The following LAMA5 variants were observed in gnomAD, a reference collection of about 807,000 sequenced individuals.
The protein encoded by LAMA5 is laminin subunit alpha 5.
Under a neutral mutation model 433.4 loss-of-function variants are expected in LAMA5, and 260 were observed. The ratio of observed to expected loss-of-function variants is 0.60; its 90% CI spans 0.54 to 0.66. The LOEUF is 0.66. Among genes scored for constraint, LAMA5 ranks in the 30% least tolerant of loss-of-function variants. The pLI, the probability that LAMA5 is intolerant of heterozygous loss-of-function variation, is 0.00. For missense variants in LAMA5, 5,378 were observed against 5,258.5 expected, an observed-to-expected ratio of 1.02 and a Z score of -0.70; for synonymous variants, 2,620 against 2,226.6, an observed-to-expected ratio of 1.18 and a Z score of -4.97.
chr20:62,323,907 C>T lies in LAMA5; in HGVS notation c.5769-51G>A, dbSNP rs112216541. The T allele has an allele frequency of 1.7e-3, 2,615 of 1,529,736 alleles. 34 individuals are homozygous for T. The African/African-American group carries it at 0.032, about 19-fold the overall frequency. The allele number at this position is 1,529,736 out of a possible 1,614,324, so 94.8% of individuals were successfully genotyped here. On this transcript the variant is annotated intron_variant, in intron 43 of 79. Transcript: ENST00000252999. ...CTAGGCCCCTGGCAGTGCCCGGGCC[C>T]GGGCGAGCACACTGTGCTCCGGCTG...
chr20:62,357,399 G>A (rs1280831113), intron 2 of LAMA5, among the ~76,000 whole-genome samples: 3 of 152,180 alleles, frequency 2.0e-5, no homozygotes, highest in African/African-American at 7.2e-5. Flanking sequence ...CAGCCCCCTC[G>A]ATGCCCAGAG....
chr20:62,318,880 C>T lies in LAMA5; in HGVS notation c.7005G>A (p.Gln2335=), dbSNP rs1456558509. Residue 2335 remains glutamine (Q), a synonymous_variant, in exon 52 of 80, where the codon CAG becomes CAA. Coordinates refer to ENST00000252999, the MANE Select transcript of LAMA5 (RefSeq NM_005560.6). The part of the protein sequence containing the change: ...EMRARDLGAP[Q]AAAEAELAAA... ...CAGCCAACTCAGCCTCAGCTGCTGCCTGCGGGGCCCCCAGGTCCCGGGCCC... is the reference window on the plus strand; with the variant it reads ...CAGCCAACTCAGCCTCAGCTGCTGCTTGCGGGGCCCCCAGGTCCCGGGCCC... 6.2e-7 allele frequency: 1 copy of T among 1,609,112 alleles called. No homozygotes were observed. Among genetic ancestry groups the T allele is most frequent in the African/African-American group, 1.3e-5 (1 of 74,876 alleles).
intron 48 of LAMA5, 73 bp downstream of exon 48, chr20:62,321,945 TG>T: frequency 6.9e-7 from 1 of 1,456,708 alleles, no homozygotes; most frequent in African/African-American, 1.4e-5. Flanking sequence ...ACGTTAACAC[TG>T]GGGTCACCAG....
intron 40 of LAMA5, chr20:62,326,374 A>G (rs1979296761): frequency 3.2e-6 from 1 of 308,540 alleles, no homozygotes; most frequent in Non-Finnish European, 6.0e-6. Flanking sequence ...TCAAAGAGAA[A>G]TGGGCAAAAG....
chr20:62,332,778 C>G, intron 26 of LAMA5, 61 bp from the exon 27 acceptor site: 1 of 1,574,280 alleles, frequency 6.4e-7, no homozygotes, highest in Non-Finnish European at 8.6e-7. Context: ...CCTCCCTCCC[C>G]TCCCACTCCA....
rs772736093 is a variant in LAMA5, at chr20:62,346,145, G to C, written c.1353C>G (p.Pro451=). ...CGTCACACCGCTCCCCAGAGAAGTT[G>C]GGCCGGCAGTAGCATCGACCCGTCA... ...EDLTGRCYCR[P]NFSGERCDVC... Residue 451 remains proline (P), a synonymous_variant, in exon 10 of 80, where the codon CCC becomes CCG. Coordinates refer to ENST00000252999, the MANE Select transcript of LAMA5 (RefSeq NM_005560.6). 2 of 1,613,104 alleles carry C rather than the reference G, an allele frequency of 1.2e-6. No individual in the cohort carries two copies. Among genetic ancestry groups the C allele is most frequent in the South Asian group, 2.2e-5 (2 of 91,082 alleles).
rs368756626 is a variant in LAMA5, at chr20:62,315,008, C to A, written c.8047+20G>T. 1.3e-6 allele frequency: 2 copies of A among 1,578,532 alleles called. No homozygotes were observed. The stretch of plus-strand genomic sequence containing the variant: ...CCGTGCCCGCCTCCATCAGGGGCAC[C>A]GCGAGGGCCATGGGCGCACCTGAGT... On this transcript the variant is annotated intron_variant, in intron 59 of 79. Transcript: ENST00000252999.
rs150245673 is a variant in LAMA5 at position 62,324,528 on chromosome 20, G to A, written c.5556C>T (p.Asp1852=). 542 of 1,612,128 alleles carry A rather than the reference G, an allele frequency of 3.4e-4. No homozygotes were observed. The highest frequency in any genetic ancestry group is 4.1e-4 in the Non-Finnish European group (488 of 1,179,646). ...CQECAPGFYR[D]VKGLFLGRCV... is the part of the protein sequence containing the mutation. ...ATCGGCCCAGGAAGAGACCTTTGACGTCCCGATAGAAGCCGGGGGCACATT... is the reference window on the plus strand; with the variant it reads ...ATCGGCCCAGGAAGAGACCTTTGACATCCCGATAGAAGCCGGGGGCACATT... The change falls in exon 42 of 80, where the codon GAC becomes GAT. Residue 1852 remains aspartate, a synonymous_variant. Transcript: ENST00000252999. This position sits in a 1 kb window ranked among gnomAD's most constrained non-coding sequence, Gnocchi z 4.4.
At position 62,313,145 on chromosome 20, in the gene LAMA5, G is replaced by A. The variant is rs117076754; in HGVS notation, c.8898C>T (p.Phe2966=). 5,530 of 1,605,824 alleles carry A rather than the reference G, an allele frequency of 3.4e-3. 12 individuals carry two copies. Among genetic ancestry groups the A allele is most frequent in the Non-Finnish European group, 3.7e-3 (4,402 of 1,178,686 alleles). ...AGGACACGAGCCGCAGCTCCTGCTC[G>A]AAGCGCTTGGTGGTGCTGATCTGAC... ...FDSQISTTKR[F]EQELRLVSYS... is the part of the protein sequence containing the mutation. The change falls in exon 65 of 80, where the codon TTC becomes TTT. Residue 2966 remains phenylalanine (F), a synonymous_variant. Transcript: ENST00000252999.
chr20:62,355,360 C>T (rs1217130384), intron 2 of LAMA5: 1 of 152,402 alleles, frequency 6.6e-6, no homozygotes, highest in Non-Finnish European at 1.5e-5. Flanking sequence ...CAGAGCTGCA[C>T]AAGACCTACA....
chr20:62,312,383 C>T lies in LAMA5; in HGVS notation c.9360+17G>A, dbSNP rs754681390. The T allele has an allele frequency of 2.3e-5, 36 of 1,599,210 alleles. No individual in the cohort carries two copies. The African/African-American group carries it at 3.9e-4, about 17-fold the overall frequency. The stretch of plus-strand genomic sequence containing the variant: ...ATGTCCACAGATGCCACCCCCAGCC[C>T]GGGGAGGGCTGCTCACCAGCAGGTC... On this transcript the variant is annotated intron_variant, in intron 68 of 79. Coordinates refer to ENST00000252999, the MANE Select transcript of LAMA5 (RefSeq NM_005560.6).
Position 62,337,572 on chromosome 20 carries a change from A to G in LAMA5, c.2164+18T>C. The G allele has an allele frequency of 6.3e-7, 1 of 1,586,188 alleles. No individual in the cohort carries two copies. Among genetic ancestry groups the G allele is most frequent in the Middle Eastern group, 1.8e-4 (1 of 5,506 alleles). ...CACAGGCCCGGCACCTGGTGCACAC[A>G]GCCACCTGCCTGCTCACCTTCGCAG... On this transcript the variant is annotated intron_variant, in intron 16 of 79. Coordinates refer to ENST00000252999, the MANE Select transcript of LAMA5 (RefSeq NM_005560.6).
chr20:62,355,842 G>C (rs979538069), intron 2 of LAMA5, among the ~76,000 whole-genome samples: 1 of 152,104 alleles, frequency 6.6e-6, no homozygotes, highest in Non-Finnish European at 1.5e-5. Context: ...GCTAGAGGTG[G>C]ACAGGGGCAG....
rs759397030 is a variant in LAMA5 at position 62,317,326 on chromosome 20, T to C, written c.7511+19A>G. 3 of 1,594,364 alleles carry C rather than the reference T, an allele frequency of 1.9e-6. No individual in the cohort carries two copies. In the Admixed American group the frequency reaches 5.2e-5, roughly 27 times the overall value. The stretch of plus-strand genomic sequence containing the variant: ...ATCCCCAGGGTGGGCCCAGGGCCCC[T>C]CCTCTCCTGGCCACCCACCTGGACA... On this transcript the variant is annotated intron_variant, in intron 55 of 79. Transcript: ENST00000252999.
chr20:62,321,953 C>G (rs1478690798), intron 48 of LAMA5, 66 bp downstream of exon 48: 13 of 1,505,782 alleles, frequency 8.6e-6, no homozygotes, highest in Non-Finnish European at 1.1e-5. Context: ...ACTGGGGTCA[C>G]CAGGCTGTGT....
Position 62,314,425 on chromosome 20 carries a change from T to C in LAMA5, c.8383A>G (p.Met2795Val), listed in dbSNP as rs763202612. The C allele has an allele frequency of 4.3e-6, 7 of 1,613,402 alleles. No individual in the cohort carries two copies. The highest frequency in any genetic ancestry group is 2.2e-5 in the South Asian group (2 of 91,080). Residue 2795 changes from methionine (M) to valine (V), a missense_variant, in exon 62 of 80, where the codon ATG becomes GTG. Transcript: ENST00000252999. ...MGSRQATGDY[M>V]GVSLRDKKVH... ...TTCTTGTCACGCAGAGACACACCCA[T>C]GTAGTCCCCAGTGGCCTGCGGCAGT...
intron 46 of LAMA5, 40 bp downstream of exon 46, chr20:62,322,618 A>AGGG: frequency 8.4e-6 from 12 of 1,436,314 alleles, no homozygotes; most frequent in East Asian, 2.5e-5. Context: ...TCTAGTCCCT[A>AGGG]GGCCCCACCC....
intron 57 of LAMA5, chr20:62,316,377 C>G (rs912791698): frequency 1.5e-5 from 8 of 538,964 alleles, no homozygotes; most frequent in African/African-American, 1.3e-4. Flanking sequence ...ACGCGTGTAG[C>G]CCTCGGGTCA....
rs1568926383 is a variant in LAMA5, at chr20:62,325,114, C to CA, written c.5529+201_5529+202insT. The CA allele has an allele frequency of 1.7e-3, 143 of 82,890 alleles. 1 individual carries two copies. Among genetic ancestry groups the CA allele is most frequent in the Middle Eastern group, 2.7e-3 (1 of 368 alleles). 5.1% of individuals were successfully genotyped at this position (82,890 alleles called of 1,614,324 possible). A position where few individuals can be genotyped will look rare whatever the true frequency, so the allele number is the denominator to read the frequency against. ...GGCAGGCGGATGAGGGGCAGGCAGG[C>CA]GGACGAGGGGCAGGCAGACAGGCAG... is the stretch of plus-strand genomic sequence containing the variant. On this transcript the variant is annotated intron_variant, in intron 41 of 79. Coordinates refer to ENST00000252999, the MANE Select transcript of LAMA5 (RefSeq NM_005560.6).
Sources: gnomAD v4.1 joint callset for allele counts (sites outside exome capture counted in the v4.1 genomes callset) on GRCh38, gnomAD v4.1.1 for gene constraint, Gnocchi (gnomAD v3.1) non-coding constraint, MANE v1.5 for transcripts, NCBI Gene and HGNC (gene_info 2026-07-23, HGNC 2026-07-21) for gene names.